DMAP1: variants seen among roughly 807,000 people sequenced by gnomAD.
The protein encoded by DMAP1 is DNA methyltransferase 1-associated protein 1.
In DMAP1, 26 loss-of-function variants were observed where a neutral mutation model predicts 52.7. The observed-to-expected ratio is 0.49, with a 90% CI of 0.36 to 0.68. DMAP1 has a LOEUF of 0.68. Ranked by LOEUF, DMAP1 falls within the 30% of genes least tolerant of loss-of-function variation. The pLI, the probability that DMAP1 is intolerant of heterozygous loss-of-function variation, is 0.00. For synonymous variants in DMAP1, 231 were observed against 246.0 expected (o/e 0.94, Z 0.57); for missense variants, 439 against 625.2 (o/e 0.70, Z 3.18).
chr1:44,213,962 G>A lies in DMAP1; in HGVS notation c.105+104G>A. The stretch of plus-strand genomic sequence containing the variant: ...TGGGTGCTACACTTACAGTGAGTTG[G>A]GCGATAAAAGGGGTGACATAACAGG... On this transcript the variant is annotated intron_variant, in intron 1 of 9. Transcript: ENST00000372289. This position sits in a 1 kb window ranked among gnomAD's most constrained non-coding sequence, Gnocchi z 4.5. The A allele has an allele frequency of 9.8e-7, 1 of 1,017,134 alleles. No individual in the cohort carries two copies. Among genetic ancestry groups the A allele is most frequent in the Non-Finnish European group, 1.5e-6 (1 of 677,288 alleles). The allele number at this position is 1,017,134 out of a possible 1,614,324, so 63.0% of individuals were successfully genotyped here. A position where few individuals can be genotyped will look rare whatever the true frequency, so the allele number is the denominator to read the frequency against.
rs1280342057 is a variant in DMAP1 at position 44,219,246 on chromosome 1, G to A, written c.906+5G>A. The A allele has an allele frequency of 1.2e-6, 2 of 1,611,794 alleles. No homozygotes were observed. Among genetic ancestry groups the A allele is most frequent in the Non-Finnish European group, 1.7e-6 (2 of 1,179,302 alleles). Reference sequence around the variant, plus strand: ...AAAAAGGAGGCTGAGAAGCCGGTGCGGAGGTTCCGCCAGCCTAGCTCAGGG... The same window carrying A: ...AAAAAGGAGGCTGAGAAGCCGGTGCAGAGGTTCCGCCAGCCTAGCTCAGGG... On this transcript the variant is annotated splice_donor_5th_base_variant and intron_variant, in intron 6 of 9. Coordinates refer to ENST00000372289, the MANE Select transcript of DMAP1 (RefSeq NM_019100.5).
At position 44,218,834 on chromosome 1, in the gene DMAP1, C is replaced by T. The variant is rs899956597; in HGVS notation, c.720+79C>T. The stretch of plus-strand genomic sequence containing the variant: ...TCTCCATCCTCCATCCCCTCAACTC[C>T]CACTCCCAGGTCCCCCTGCCTCCCA... On this transcript the variant is annotated intron_variant, in intron 5 of 9. Coordinates refer to ENST00000372289, the MANE Select transcript of DMAP1 (RefSeq NM_019100.5). This position sits in a 1 kb window ranked among gnomAD's most constrained non-coding sequence, Gnocchi z 5.6. 10 of 1,529,714 alleles carry T rather than the reference C, an allele frequency of 6.5e-6. No homozygotes were observed. In the African/African-American group the frequency reaches 9.6e-5, roughly 15 times the overall value. 94.8% of individuals were successfully genotyped at this position (1,529,714 alleles called of 1,614,324 possible).
At chr1:44,215,089 C>G (rs1225142579) in intron 3 of DMAP1, 191 bp downstream of exon 3, 2 of 721,666 alleles carry the variant, frequency 2.8e-6, no homozygotes, top group Non-Finnish European at 4.9e-6. Context: ...GGATCCTGTT[C>G]TTTCCCGGAC....
chr1:44,215,492 A>T (rs1572026723), intron 3 of DMAP1: 2 of 345,278 alleles, frequency 5.8e-6, no homozygotes, highest in African/African-American at 4.3e-5. Context: ...ACAACAGAAC[A>T]AAGAAGGTAG....
Position 44,220,648 on chromosome 1 carries a change from T to C in DMAP1, c.*30T>C. The C allele has an allele frequency of 1.2e-6, 2 of 1,613,878 alleles. No individual in the cohort carries two copies. Among genetic ancestry groups the C allele is most frequent in the Non-Finnish European group, 1.7e-6 (2 of 1,179,830 alleles). On this transcript the variant is annotated 3_prime_UTR_variant, in exon 10 of 10. Transcript: ENST00000372289. ...CCCCACGGGGTGTGGGCGACGCTGT[T>C]ATGTAAATAGAGCTGCTGAGTTGGA...
At chr1:44,214,258 T>TA in intron 1 of DMAP1, 92 bp from the exon 2 acceptor site, 2 of 1,189,130 alleles carry the variant, frequency 1.7e-6, no homozygotes, top group East Asian at 4.7e-5. Flanking sequence ...ATTGACCCTG[T>TA]AGGTGCTGCT....
chr1:44,217,658 C>G (rs1369945361), intron 3 of DMAP1: 2 of 161,574 alleles, frequency 1.2e-5, no homozygotes, highest in East Asian at 3.4e-4. Context: ...AGTTTTGGAG[C>G]TGGTTGTGGT....
At position 44,220,052 on chromosome 1, in the gene DMAP1, A is replaced by G. The variant is rs1643875843; in HGVS notation, c.1087A>G (p.Met363Val). ...SPTPTEELVH[M>V]FNELRSDLVL... Reference sequence around the variant, plus strand: ...GACACCTACGGAGGAGCTGGTGCACATGTTCAATGAGCTGCGAAGCGACCT... The same window carrying G: ...GACACCTACGGAGGAGCTGGTGCACGTGTTCAATGAGCTGCGAAGCGACCT... Residue 363 changes from methionine to valine, a missense_variant, in exon 9 of 10, where the codon ATG becomes GTG. Coordinates refer to ENST00000372289, the MANE Select transcript of DMAP1 (RefSeq NM_019100.5). 6 of 1,603,790 alleles carry G rather than the reference A, an allele frequency of 3.7e-6. No individual in the cohort carries two copies. Among genetic ancestry groups the G allele is most frequent in the Non-Finnish European group, 5.1e-6 (6 of 1,172,246 alleles).
intron 2 of DMAP1, 73 bp from the exon 3 acceptor site, chr1:44,214,630 G>C (rs746026128): frequency 6.2e-7 from 1 of 1,613,394 alleles, no homozygotes. Flanking sequence ...GGGTAGATCA[G>C]CTCCCTGGGA....
chr1:44,213,524 C>G lies in DMAP1; in HGVS notation c.-230C>G. 2.1e-5 allele frequency: 10 copies of G among 485,098 alleles called. No individual in the cohort carries two copies. The South Asian group carries it at 2.7e-4, about 13-fold the overall frequency. The allele number at this position is 485,098 out of a possible 1,614,324, so 30.0% of individuals were successfully genotyped here. A position where few individuals can be genotyped will look rare whatever the true frequency, so the allele number is the denominator to read the frequency against. ...GTAGTGGGGGCTGCAGCTGCCGGACCCAGGTGCGGAAGTGCGAGGGCCCAG... is the reference window on the plus strand; with the variant it reads ...GTAGTGGGGGCTGCAGCTGCCGGACGCAGGTGCGGAAGTGCGAGGGCCCAG... On this transcript the variant is annotated 5_prime_UTR_variant, in exon 1 of 10. Coordinates refer to ENST00000372289, the MANE Select transcript of DMAP1 (RefSeq NM_019100.5). The surrounding 1 kb of genome is among the most constrained non-coding windows in gnomAD (Gnocchi z 4.5).
At position 44,220,546 on chromosome 1, in the gene DMAP1, T is replaced by C. The variant is rs574391568; in HGVS notation, c.1345-13T>C. On this transcript the variant is annotated splice_polypyrimidine_tract_variant and intron_variant, in intron 9 of 9. Transcript: ENST00000372289. ...GGGGGTCACTGACCTCAATGCCTTCTGTGTATCCTCAGAGAAAGCGACGGG... is the reference window on the plus strand; with the variant it reads ...GGGGGTCACTGACCTCAATGCCTTCCGTGTATCCTCAGAGAAAGCGACGGG... 245 of 1,614,234 alleles carry C rather than the reference T, an allele frequency of 1.5e-4. 3 individuals are homozygous for C. The South Asian group carries it at 2.6e-3, about 17-fold the overall frequency.
chr1:44,217,206 C>A (rs1219057417), intron 3 of DMAP1: 2 of 152,234 alleles, frequency 1.3e-5, no homozygotes, highest in Non-Finnish European at 2.9e-5. Flanking sequence ...CTCTCAGTTT[C>A]CATTCTCATC....
chr1:44,214,506 C>G (rs1275182221), intron 2 of DMAP1, 65 bp downstream of exon 2: 3 of 1,613,472 alleles, frequency 1.9e-6, no homozygotes, highest in South Asian at 2.2e-5. Flanking sequence ...GCCCCTAACT[C>G]CTAGTTTTCT....
chr1:44,215,250 C>T (rs771312869), intron 3 of DMAP1: 4 of 480,028 alleles, frequency 8.3e-6, no homozygotes, highest in Middle Eastern at 3.1e-4. Context: ...CAATCCAGAG[C>T]AGTGCTTCCT....
chr1:44,213,965 G>C lies in DMAP1; in HGVS notation c.105+107G>C. 4 of 993,934 alleles carry C rather than the reference G, an allele frequency of 4.0e-6. No homozygotes were observed. The highest frequency in any genetic ancestry group is 6.1e-6 in the Non-Finnish European group (4 of 657,326). 61.6% of individuals were successfully genotyped at this position (993,934 alleles called of 1,614,324 possible). A position where few individuals can be genotyped will look rare whatever the true frequency, so the allele number is the denominator to read the frequency against. ...GTGCTACACTTACAGTGAGTTGGGC[G>C]ATAAAAGGGGTGACATAACAGGACA... On this transcript the variant is annotated intron_variant, in intron 1 of 9. Transcript: ENST00000372289. This position sits in a 1 kb window ranked among gnomAD's most constrained non-coding sequence, Gnocchi z 4.5.
At position 44,213,600 on chromosome 1, in the gene DMAP1, C is replaced by G; in HGVS notation, c.-154C>G. 1 of 644,106 alleles carries G rather than the reference C, an allele frequency of 1.6e-6. No individual in the cohort carries two copies. The highest frequency in any genetic ancestry group is 2.0e-5 in the South Asian group (1 of 51,076). The allele number at this position is 644,106 out of a possible 1,614,324, so 39.9% of individuals were successfully genotyped here. A position where few individuals can be genotyped will look rare whatever the true frequency, so the allele number is the denominator to read the frequency against. On this transcript the variant is annotated 5_prime_UTR_variant, in exon 1 of 10. The change creates a new upstream start codon in the 5' untranslated region. Coordinates refer to ENST00000372289, the MANE Select transcript of DMAP1 (RefSeq NM_019100.5). This position sits in a 1 kb window ranked among gnomAD's most constrained non-coding sequence, Gnocchi z 4.5. ...TCCAAGCGGTGGGGCACAGGCAGAT[C>G]CCCGACCTGACCTGGACCACCCTTC...
Position 44,213,695 on chromosome 1 carries a change from T to C in DMAP1, c.-59T>C. On this transcript the variant is annotated 5_prime_UTR_variant, in exon 1 of 10. Coordinates refer to ENST00000372289, the MANE Select transcript of DMAP1 (RefSeq NM_019100.5). This position sits in a 1 kb window ranked among gnomAD's most constrained non-coding sequence, Gnocchi z 4.5. ...TTGGCCCCGCCCCCTGACCTGAGCC[T>C]GGTCCTTCTTCAGGCACTGACCCTT... 1 of 1,504,802 alleles carries C rather than the reference T, an allele frequency of 6.6e-7. No individual in the cohort carries two copies. The highest frequency in any genetic ancestry group is 9.0e-7 in the Non-Finnish European group (1 of 1,105,696). 93.2% of individuals were successfully genotyped at this position (1,504,802 alleles called of 1,614,324 possible). A position where few individuals can be genotyped will look rare whatever the true frequency, so the allele number is the denominator to read the frequency against.
chr1:44,219,733 C>T, intron 7 of DMAP1, 73 bp from the exon 8 acceptor site: 3 of 1,559,922 alleles, frequency 1.9e-6, no homozygotes, highest in Admixed American at 1.8e-5. Context: ...CCATCTTTCC[C>T]TCTGCCTTTT....
At chr1:44,217,662 T>C (rs1643821679) in intron 3 of DMAP1, 3 of 162,494 alleles carry the variant, frequency 1.8e-5, no homozygotes, top group Admixed American at 1.1e-4. Context: ...TTGGAGCTGG[T>C]TGTGGTCTTT....
Sources: gnomAD v4.1 joint callset for allele counts on GRCh38, gnomAD v4.1.1 for gene constraint, Gnocchi (gnomAD v3.1) non-coding constraint, MANE v1.5 for transcripts, NCBI Gene and HGNC (gene_info 2026-07-23, HGNC 2026-07-21) for gene names.